HSD17B14: variants seen among roughly 807,000 people sequenced by gnomAD.
HSD17B14 encodes hydroxysteroid 17-beta dehydrogenase 14.
Under a neutral mutation model 32.2 loss-of-function variants are expected in HSD17B14, and 32 were observed. The ratio of observed to expected loss-of-function variants is 0.99; its 90% confidence interval spans 0.75 to 1.33. The LOEUF (loss-of-function observed/expected upper bound fraction) is 1.33. HSD17B14 is among the 40% of genes most tolerant of loss of function. HSD17B14 has a pLI of 0.00. For missense variants in HSD17B14, 370 were observed against 366.5 expected, an observed-to-expected ratio of 1.01 and a Z score of -0.08; for synonymous variants, 140 against 155.4, an observed-to-expected ratio of 0.90 and a Z score of 0.74.
intron 5 of HSD17B14, among the ~76,000 whole-genome samples, chr19:48,816,101 G>C (rs2035046960): frequency 6.6e-6 from 1 of 151,900 alleles, no homozygotes. Context: ...GGCCACCTGG[G>C]AAGTCCCTAA....
rs1555775577 is a variant in HSD17B14 at position 48,814,202 on chromosome 19, A to AAAAG, written c.475-473_475-472insCTTT. 4.7e-3 allele frequency among the ~76,000 whole-genome samples: 688 copies of AAAAG among 147,892 alleles called. 7 individuals are homozygous for AAAAG. Among genetic ancestry groups the AAAAG allele is most frequent in the African/African-American group, 0.016 (627 of 39,412 alleles). ...AGAGTGAGACCCTATCTAAAAAAAA[A>AAAAG]AAGAAGAAAAGAAAAGAAAAGAAAA... On this transcript the variant is annotated intron_variant, in intron 6 of 8. Transcript: ENST00000263278.
In HSD17B14 at chr19:48,835,850, A is replaced by G; in HGVS notation, c.89-7T>C. ...ACTCGGGCCCCGCTGTTCACTGAGA[A>G]TAGGAAGGGAACAGGTTACTCTCCG... On this transcript the variant is annotated splice_region_variant and splice_polypyrimidine_tract_variant and intron_variant, in intron 1 of 8. Transcript: ENST00000263278. 3.1e-6 allele frequency: 5 copies of G among 1,613,458 alleles called. No individual in the cohort carries two copies. Among genetic ancestry groups the G allele is most frequent in the Non-Finnish European group, 4.2e-6 (5 of 1,179,644 alleles).
rs2035337478 is a variant in HSD17B14 at position 48,831,675 on chromosome 19, A to G, written c.362T>C (p.Leu121Ser). The G allele has an allele frequency of 1.9e-6, 3 of 1,613,438 alleles. No homozygotes were observed. The highest frequency in any genetic ancestry group is 2.5e-6 in the Non-Finnish European group (3 of 1,179,506). Residue 121 changes from leucine to serine, a missense_variant, in exon 5 of 9, where the codon TTG becomes TCG. Transcript: ENST00000263278. ...LELNLLGTYT[L>S]TKLALPYLRK... ...AGGGTCGCCAGCCCTCACCTTGGTC[A>G]AGGTGTACGTCCCCAGTAGGTTCAG...
At chr19:48,834,709 T>G (rs2035439539) in intron 2 of HSD17B14, among the ~76,000 whole-genome samples, 1 of 92,824 alleles carries the variant, frequency 1.1e-5, no homozygotes, top group Non-Finnish European at 2.0e-5. Flanking sequence ...GAGGAAGGGC[T>G]GGGAGCCTGG....
intron 2 of HSD17B14, among the ~76,000 whole-genome samples, chr19:48,834,858 GAGGTCT>G: frequency 5.2e-5 from 4 of 76,288 alleles, no homozygotes; most frequent in Admixed American, 1.3e-4. Flanking sequence ...AGGAGGGGCT[GAGGTCT>G]GGACTCCTGG....
chr19:48,831,699 A>G lies in HSD17B14; in HGVS notation c.338T>C (p.Leu113Pro), dbSNP rs778023448. 13 of 1,613,752 alleles carry G rather than the reference A, an allele frequency of 8.1e-6. No individual in the cohort carries two copies. In the South Asian group the frequency reaches 1.4e-4, roughly 18 times the overall value. ...CAAGGTGTACGTCCCCAGTAGGTTC[A>G]GCTCCAGCAGCTGGCGGAATCCCTG... is the stretch of plus-strand genomic sequence containing the variant. ...SAQGFRQLLE[L>P]NLLGTYTLTK... Residue 113 changes from leucine to proline, a missense_variant, in exon 5 of 9, where the codon CTG (leucine) becomes CCG (proline). Physicochemically the swap from Leu to Pro is moderately conservative, Grantham distance 98. Transcript: ENST00000263278.
chr19:48,813,320 T>A lies in HSD17B14; in HGVS notation c.668A>T (p.Glu223Val). ...QPLGRMGQPAEVGAAAVFLAS... is the reference protein window; with the variant it reads ...QPLGRMGQPAVVGAAAVFLAS... ...CAGGAACACTGCCGCAGCCCCGACC[T>A]CAGCGGGCTGGCCCATGCGGCCCAG... The change falls in exon 9 of 9, where the codon GAG becomes GTG. Residue 223 changes from glutamate (E) to valine (V), a missense_variant. By Grantham distance (121) the Glu-to-Val change is moderately radical. Coordinates refer to ENST00000263278, the MANE Select transcript of HSD17B14 (RefSeq NM_016246.3). The A allele has an allele frequency of 1.3e-6, 2 of 1,594,226 alleles. No individual in the cohort carries two copies. Among genetic ancestry groups the A allele is most frequent in the Non-Finnish European group, 1.7e-6 (2 of 1,170,492 alleles).
intron 5 of HSD17B14, among the ~76,000 whole-genome samples, chr19:48,829,890 G>A (rs1338195327): frequency 1.3e-5 from 2 of 152,126 alleles, no homozygotes; most frequent in African/African-American, 4.8e-5. Context: ...TGATCCGCCT[G>A]CCTCGGCCTC....
rs1365962482 is a variant in HSD17B14, at chr19:48,834,267, T to TC, written c.210+8dup. ...CGGAGATGGGGGTAGGAACAGGAAC[T>TC]CGGCTTACCTTCACATCATCTTCCT... On this transcript the variant is annotated intron_variant, in intron 3 of 8. Transcript: ENST00000263278. The TC allele has an allele frequency of 6.2e-7, 1 of 1,611,864 alleles. No individual in the cohort carries two copies.
At chr19:48,826,542 T>TATATATATATATATATATATATACAC in intron 5 of HSD17B14, among the ~76,000 whole-genome samples, 26 of 80,104 alleles carry the variant, frequency 3.2e-4, no homozygotes, top group East Asian at 4.6e-4. Context: ...TATATATATA[T>TATATATATATATATATATATATACAC]ACACACACAC....
At chr19:48,831,798 G>A (rs745558721) in intron 4 of HSD17B14, 39 bp from the exon 5 acceptor site, 2 of 1,221,690 alleles carry the variant, frequency 1.6e-6, no homozygotes, top group African/African-American at 1.5e-5. Flanking sequence ...AAGTGACGGG[G>A]GCTGGACACA....
chr19:48,834,162 A>C, intron 3 of HSD17B14, 114 bp downstream of exon 3: 1 of 816,620 alleles, frequency 1.2e-6, no homozygotes, highest in Admixed American at 2.0e-5. Context: ...TGACGAGTCC[A>C]GCGGAGCCAG....
chr19:48,825,745 A>T (rs956290817), intron 5 of HSD17B14, among the ~76,000 whole-genome samples: 1 of 152,166 alleles, frequency 6.6e-6, no homozygotes, highest in Non-Finnish European at 1.5e-5. Context: ...GAAGTGGCAG[A>T]GAATTTAGGC....
intron 1 of HSD17B14, 58 bp from the exon 2 acceptor site, chr19:48,835,901 C>G (rs918485953): frequency 1.4e-5 from 21 of 1,523,892 alleles, no homozygotes; most frequent in Non-Finnish European, 1.9e-5. Flanking sequence ...CTCTGCCGCC[C>G]TCTTGTGGCC....
In HSD17B14 at chr19:48,813,699, G is replaced by T; in HGVS notation, c.506C>A (p.Ala169Asp). ...GAVTAMTKALALDESPYGVRV... is the reference protein window; with the variant it reads ...GAVTAMTKALDLDESPYGVRV... ...GACACCATATGGACTTTCATCCAGG[G>T]CCAAAGCTTTGGTCATGGCTGTTAC... is the stretch of plus-strand genomic sequence containing the variant. The change falls in exon 7 of 9, where the codon GCC becomes GAC. Residue 169 changes from alanine to aspartate, a missense_variant. By Grantham distance (126) the Ala-to-Asp change is moderately radical. Coordinates refer to ENST00000263278, the MANE Select transcript of HSD17B14 (RefSeq NM_016246.3). 6.2e-7 allele frequency: 1 copy of T among 1,614,184 alleles called. No homozygotes were observed. Among genetic ancestry groups the T allele is most frequent in the South Asian group, 1.1e-5 (1 of 91,084 alleles).
intron 5 of HSD17B14, among the ~76,000 whole-genome samples, chr19:48,816,588 A>G (rs1370267581): frequency 6.6e-6 from 1 of 151,762 alleles, no homozygotes; most frequent in Non-Finnish European, 1.5e-5. Context: ...CTGGGTAAAC[A>G]CTCCCTCAGC....
At chr19:48,833,153 G>T (rs2035374436) in intron 3 of HSD17B14, among the ~76,000 whole-genome samples, 1 of 151,586 alleles carries the variant, frequency 6.6e-6, no homozygotes, top group East Asian at 1.9e-4. Context: ...CAGGTCAGGG[G>T]ACAAGAGCTA....
chr19:48,815,415 C>T (rs766476360), intron 5 of HSD17B14, among the ~76,000 whole-genome samples: 6 of 152,186 alleles, frequency 3.9e-5, no homozygotes, highest in Non-Finnish European at 5.9e-5. Flanking sequence ...GTCTCTACCT[C>T]TGTCCCTTCT....
chr19:48,814,554 G>A (rs1305642372), intron 6 of HSD17B14, among the ~76,000 whole-genome samples: 1 of 143,942 alleles, frequency 6.9e-6, no homozygotes, highest in Non-Finnish European at 1.5e-5. Flanking sequence ...AGAAAAAACA[G>A]AAATCTGCTG....
Sources: gnomAD v4.1 joint callset for allele counts (sites outside exome capture counted in the v4.1 genomes callset) on GRCh38, gnomAD v4.1.1 for gene constraint, MANE v1.5 for transcripts, NCBI Gene and HGNC (gene_info 2026-07-23, HGNC 2026-07-21) for gene names.